Variants in FKBP5 observed in about 807,000 individuals in gnomAD.
FKBP5 encodes the protein FKBP prolyl isomerase 5.
A neutral mutation model predicts 50.5 loss-of-function variants in FKBP5; 23 were observed. That is an observed-to-expected ratio of 0.46 (90% CI 0.33 to 0.65). The LOEUF (loss-of-function observed/expected upper bound fraction) is 0.65. FKBP5 is among the 30% of genes least tolerant of loss of function. The probability of loss-of-function intolerance (pLI) is 0.02; values close to 1 mark genes in which losing one functional copy is unlikely to be tolerated. For synonymous variants in FKBP5, 176 were observed against 190.6 expected, an observed-to-expected ratio of 0.92 and a Z score of 0.63; for missense variants, 411 against 553.1, an observed-to-expected ratio of 0.74 and a Z score of 2.58.
chr6:35,584,972 ATC>A, intron 8 of FKBP5: 1 of 985,448 alleles, frequency 1.0e-6, no homozygotes, highest in South Asian at 4.7e-5. Context: ...AATTCTGGCC[ATC>A]TCTCTGTATA....
intron 2 of FKBP5, among the ~76,000 whole-genome samples, chr6:35,701,673 G>A (rs1416095271): frequency 6.6e-6 from 1 of 152,040 alleles, no homozygotes; most frequent in Non-Finnish European, 1.5e-5. Flanking sequence ...CTGAGTACCT[G>A]GGACTACAGA....
At chr6:35,577,426 C>A (rs1296885296) in intron 9 of FKBP5, among the ~76,000 whole-genome samples, 193 bp from the exon 10 acceptor site, 2 of 152,040 alleles carry the variant, frequency 1.3e-5, no homozygotes, top group Non-Finnish European at 2.9e-5. Flanking sequence ...CTAGAAAGAT[C>A]CCAAGGAGAT....
At chr6:35,642,425 C>T (rs556488675) in intron 2 of FKBP5, among the ~76,000 whole-genome samples, 1 of 151,978 alleles carries the variant, frequency 6.6e-6, no homozygotes. Flanking sequence ...TAATGAGATG[C>T]CCTCTCTCAA....
At chr6:35,713,527 A>G (rs1428639275) in intron 2 of FKBP5, among the ~76,000 whole-genome samples, 4 of 152,190 alleles carry the variant, frequency 2.6e-5, no homozygotes, top group African/African-American at 4.8e-5. Context: ...TAAAAGACCT[A>G]CCCTTCTAGC....
chr6:35,712,409 AGG>A, intron 2 of FKBP5, among the ~76,000 whole-genome samples: 1 of 152,052 alleles, frequency 6.6e-6, no homozygotes, highest in Non-Finnish European at 1.5e-5. Flanking sequence ...AAGCCCCAGA[AGG>A]GGGTAAGGAG....
At chr6:35,632,231 A>ACC (rs1353826467) in intron 3 of FKBP5, among the ~76,000 whole-genome samples, 1 of 152,228 alleles carries the variant, frequency 6.6e-6, no homozygotes, top group African/African-American at 2.4e-5. Flanking sequence ...AACATATTCC[A>ACC]CAGTAGTAAT....
chr6:35,643,920 T>C (rs751930880), intron 1 of FKBP5, among the ~76,000 whole-genome samples: 1 of 152,186 alleles, frequency 6.6e-6, no homozygotes, highest in Middle Eastern at 3.2e-3. Flanking sequence ...CCTTTGAGAA[T>C]GGTAAGACAA....
At position 35,601,674 on chromosome 6, in the gene FKBP5, A is replaced by G. The variant is rs559801826; in HGVS notation, c.509-4270T>C. Among the ~76,000 whole-genome samples, 8 of 152,302 alleles carry G rather than the reference A, an allele frequency of 5.3e-5. No homozygotes were observed. The East Asian group carries it at 1.5e-3, about 29-fold the overall frequency. ...CTTTTAGTGCAAATACTAACTTAATAAATATTTAATAATAACCATCGTGAC... is the reference window on the plus strand; with the variant it reads ...CTTTTAGTGCAAATACTAACTTAATGAATATTTAATAATAACCATCGTGAC... On this transcript the variant is annotated intron_variant, in intron 5 of 10. Transcript: ENST00000357266.
intron 5 of FKBP5, among the ~76,000 whole-genome samples, chr6:35,617,332 T>A (rs1459450800): frequency 2.0e-5 from 3 of 151,964 alleles, no homozygotes; most frequent in South Asian, 2.1e-4. Flanking sequence ...TTTTTTTTTT[T>A]AAGGAGACAA....
At chr6:35,623,899 C>T (rs1285107062) in intron 3 of FKBP5, among the ~76,000 whole-genome samples, 1 of 152,026 alleles carries the variant, frequency 6.6e-6, no homozygotes, top group Non-Finnish European at 1.5e-5. Flanking sequence ...TGGAGTCTTG[C>T]TACATTGCCC....
chr6:35,587,857 C>CA, intron 7 of FKBP5, among the ~76,000 whole-genome samples: 1 of 152,210 alleles, frequency 6.6e-6, no homozygotes, highest in East Asian at 1.9e-4. Context: ...GTCAAGAGAA[C>CA]AATCTGGGAG....
chr6:35,591,720 A>G (rs1299147937), intron 6 of FKBP5, among the ~76,000 whole-genome samples: 1 of 152,184 alleles, frequency 6.6e-6, no homozygotes, highest in East Asian at 1.9e-4. Flanking sequence ...ACTTCCAGTC[A>G]CATAAGTGAA....
At chr6:35,718,504 T>C (rs2151023953) in intron 2 of FKBP5, among the ~76,000 whole-genome samples, 1 of 152,304 alleles carries the variant, frequency 6.6e-6, no homozygotes, top group South Asian at 2.1e-4. Flanking sequence ...CCCTGTTCTT[T>C]GCCTTCCTCT....
In FKBP5 at chr6:35,683,115, CGTATAT is replaced by C. The variant is rs1292111344; in HGVS notation, c.-20+5683_-20+5688del. The stretch of plus-strand genomic sequence containing the variant: ...AAAAAAGTGTGTGTGTATATATATA[CGTATAT>C]GTGTGTGTGTGTGTGTGTGTGTGTG... On this transcript the variant is annotated intron_variant, in intron 1 of 10. Transcript: ENST00000357266. Among the ~76,000 whole-genome samples, 277 of 56,224 alleles carry C rather than the reference CGTATAT, an allele frequency of 4.9e-3. 10 individuals are homozygous for C. Among genetic ancestry groups the C allele is most frequent in the East Asian group, 0.019 (38 of 2,034 alleles). The allele number at this position is 56,224 out of a possible 152,430, so 36.9% of individuals were successfully genotyped here.
chr6:35,630,539 C>T (rs1430235692), intron 3 of FKBP5, among the ~76,000 whole-genome samples: 1 of 151,760 alleles, frequency 6.6e-6, no homozygotes, highest in Non-Finnish European at 1.5e-5. Context: ...AGCGAGACTC[C>T]GTCTCAAAAA....
intron 2 of FKBP5, among the ~76,000 whole-genome samples, chr6:35,718,836 C>T (rs1359534430): frequency 1.3e-5 from 2 of 152,326 alleles, no homozygotes; most frequent in African/African-American, 4.8e-5. Context: ...GAGTTCCAAA[C>T]CTTGAAGAGG....
chr6:35,681,888 G>A (rs1297292987), intron 1 of FKBP5, among the ~76,000 whole-genome samples: 2 of 151,806 alleles, frequency 1.3e-5, no homozygotes, highest in Non-Finnish European at 1.5e-5. Context: ...TTCTGATCAC[G>A]CCACTGCACT....
intron 3 of FKBP5, among the ~76,000 whole-genome samples, chr6:35,623,881 T>G (rs1237108037): frequency 6.6e-6 from 1 of 152,078 alleles, no homozygotes; most frequent in Non-Finnish European, 1.5e-5. Flanking sequence ...CATGATTTTC[T>G]GTAGATATGG....
intron 1 of FKBP5, among the ~76,000 whole-genome samples, chr6:35,669,010 A>G (rs1369173215): frequency 1.3e-5 from 2 of 152,204 alleles, no homozygotes; most frequent in Non-Finnish European, 2.9e-5. Flanking sequence ...AACAATATCT[A>G]AGAAAACACT....
Sources: gnomAD v4.1 joint callset for allele counts (sites outside exome capture counted in the v4.1 genomes callset) on GRCh38, gnomAD v4.1.1 for gene constraint, MANE v1.5 for transcripts, NCBI Gene and HGNC (gene_info 2026-07-23, HGNC 2026-07-21) for gene names.